PLIN5: variants seen among roughly 807,000 people sequenced by gnomAD.
The protein encoded by PLIN5 is perilipin-5.
PLIN5 carries 34 observed loss-of-function variants against 32.8 expected under a neutral mutation model. The ratio of observed to expected loss-of-function variants is 1.04; its 90% CI spans 0.79 to 1.38. The LOEUF is 1.38. Among genes scored for constraint, PLIN5 ranks in the 40% most tolerant of loss-of-function variants. PLIN5 has a pLI of 0.00. For synonymous variants in PLIN5, 309 were observed against 292.9 expected (o/e 1.05, Z -0.56); for missense variants, 712 against 660.5 (o/e 1.08, Z -0.85).
chr19:4,529,728 G>T, intron 4 of PLIN5, 56 bp downstream of exon 4: 1 of 533,660 alleles, frequency 1.9e-6, no homozygotes, highest in Non-Finnish European at 3.7e-6. Flanking sequence ...CCTCCCTCCC[G>T]CCTCTAATCT....
chr19:4,529,325 G>T, intron 4 of PLIN5, 72 bp from the exon 5 acceptor site: 1 of 1,476,056 alleles, frequency 6.8e-7, no homozygotes, highest in Non-Finnish European at 9.1e-7. Context: ...TAGTTCCCTG[G>T]GGCTGGGACT....
chr19:4,527,670 C>T (rs1976823843), intron 5 of PLIN5, among the ~76,000 whole-genome samples: 1 of 150,456 alleles, frequency 6.6e-6, no homozygotes, highest in African/African-American at 2.4e-5. Context: ...ACATGCAAAA[C>T]CCCATCTCTA....
At chr19:4,524,913 C>G in intron 7 of PLIN5, 50 bp downstream of exon 7, 1 of 1,473,354 alleles carries the variant, frequency 6.8e-7, no homozygotes, top group Non-Finnish European at 9.1e-7. Flanking sequence ...CCCTCTTCCT[C>G]CGCGGCCTGG....
Position 4,526,857 on chromosome 19 carries a change from C to CAAAAAAAAAAAAAAAAAAA in PLIN5, c.521-1026_521-1025insTTTTTTTTTTTTTTTTTTT, listed in dbSNP as rs141886356. ...TGGGCAACAGAGCAAGACTCCATCT[C>CAAAAAAAAAAAAAAAAAAA]AAAAAAAAATTAAAATTAAAAAAAT... On this transcript the variant is annotated intron_variant, in intron 5 of 7. Transcript: ENST00000381848. Among the ~76,000 whole-genome samples the CAAAAAAAAAAAAAAAAAAA allele has an allele frequency of 3.1e-3, 430 of 138,684 alleles. 26 individuals carry two copies. Among genetic ancestry groups the CAAAAAAAAAAAAAAAAAAA allele is most frequent in the African/African-American group, 0.012 (405 of 34,636 alleles). 91.0% of individuals were successfully genotyped at this position (138,684 alleles called of 152,430 possible). A position where few individuals can be genotyped will look rare whatever the true frequency, so the allele number is the denominator to read the frequency against.
intron 4 of PLIN5, 161 bp from the exon 5 acceptor site, chr19:4,529,414 AG>A: frequency 1.4e-6 from 1 of 722,108 alleles, no homozygotes; most frequent in Non-Finnish European, 2.2e-6. Flanking sequence ...TCCCTCACAG[AG>A]GGTGTTGAGG....
chr19:4,524,328 G>C (rs530228218), intron 7 of PLIN5, among the ~76,000 whole-genome samples: 4 of 152,314 alleles, frequency 2.6e-5, no homozygotes, highest in African/African-American at 9.6e-5. Context: ...GAGTCGGGCG[G>C]ATCACCTGAG....
chr19:4,524,208 T>C (rs1395819765), intron 7 of PLIN5, 123 bp from the exon 8 acceptor site: 1 of 964,602 alleles, frequency 1.0e-6, no homozygotes, highest in African/African-American at 1.7e-5. Context: ...CATAGTCCTG[T>C]CCCCTGTAGA....
chr19:4,527,582 G>T (rs1031644743), intron 5 of PLIN5, among the ~76,000 whole-genome samples: 2 of 146,922 alleles, frequency 1.4e-5, no homozygotes, highest in East Asian at 4.1e-4. Flanking sequence ...ATGGTTGGGC[G>T]TGGTGGACTC....
chr19:4,529,645 A>G, intron 4 of PLIN5, 139 bp downstream of exon 4: 2 of 593,050 alleles, frequency 3.4e-6, no homozygotes, highest in South Asian at 3.7e-5. Flanking sequence ...ACACACACAC[A>G]CACACGTTGC....
intron 2 of PLIN5, chr19:4,532,513 TTTTA>T (rs1976900001): frequency 6.6e-6 from 1 of 152,154 alleles, no homozygotes; most frequent in Admixed American, 6.5e-5. Flanking sequence ...CCAATTTTGT[TTTTA>T]TTTTTATTTT....
At chr19:4,529,607 GTA>G (rs749204339) in intron 4 of PLIN5, 175 bp downstream of exon 4, 3 of 300,130 alleles carry the variant, frequency 1.0e-5, no homozygotes, top group East Asian at 9.0e-5. Context: ...ATACATATAT[GTA>G]TACACACACA....
chr19:4,528,204 C>A (rs1001519993), intron 5 of PLIN5, among the ~76,000 whole-genome samples: 7 of 141,746 alleles, frequency 4.9e-5, no homozygotes, highest in Non-Finnish European at 1.0e-4. Context: ...CCACCGTGCC[C>A]GGCCGCCTCC....
chr19:4,531,782 G>A lies in PLIN5; in HGVS notation c.101C>T (p.Ala34Val). Residue 34 changes from alanine (A) to valine (V), a missense_variant, in exon 3 of 8, where the codon GCC (alanine) becomes GTC (valine). Physicochemically the swap from Ala to Val is moderately conservative, Grantham distance 64. Coordinates refer to ENST00000381848, the MANE Select transcript of PLIN5 (RefSeq NM_001013706.3). ...AACATCGCAGACCGCGGTGCACGTG[G>A]CCCTGACCAGGGGCAGAGCCACCAC... ...QRVVALPLVR[A>V]TCTAVCDVYS... 2 of 1,586,446 alleles carry A rather than the reference G, an allele frequency of 1.3e-6. No individual in the cohort carries two copies. Among genetic ancestry groups the A allele is most frequent in the Non-Finnish European group, 1.7e-6 (2 of 1,167,550 alleles).
rs1976747449 is a variant in PLIN5 at position 4,522,871 on chromosome 19, A to G, written c.*657T>C. 1 of 151,866 alleles carries G rather than the reference A, an allele frequency of 6.6e-6. No homozygotes were observed. The highest frequency in any genetic ancestry group is 2.4e-5 in the African/African-American group (1 of 41,298). The allele number at this position is 151,866 out of a possible 1,614,324, so 9.4% of individuals were successfully genotyped here. ...TCAGGGCTCACTTTTCAAAGCCCCAAACAGAAGGCATTGGGCAAAATGTGT... is the reference window on the plus strand; with the variant it reads ...TCAGGGCTCACTTTTCAAAGCCCCAGACAGAAGGCATTGGGCAAAATGTGT... On this transcript the variant is annotated 3_prime_UTR_variant, in exon 8 of 8. Transcript: ENST00000381848.
At chr19:4,534,331 A>AAACCAT (rs1429635781) in intron 1 of PLIN5, 4 of 530,260 alleles carry the variant, frequency 7.5e-6, no homozygotes, top group Non-Finnish European at 1.0e-5. Context: ...ATGGTCTCTG[A>AAACCAT]GGTGAGAAAG....
At position 4,531,741 on chromosome 19, in the gene PLIN5, C is replaced by T. The variant is rs1411741670; in HGVS notation, c.142G>A (p.Asp48Asn). The T allele has an allele frequency of 6.2e-7, 1 of 1,600,996 alleles. No individual in the cohort carries two copies. The highest frequency in any genetic ancestry group is 8.5e-7 in the Non-Finnish European group (1 of 1,176,436). Reference protein sequence around the residue: ...AVCDVYSAAKDRHPLLGSACR... With the variant: ...AVCDVYSAAKNRHPLLGSACR... ...GCGGAGCCCAGCAGCGGGTGCCTGT[C>T]CTTGGCTGCACTGTAAACATCGCAG... The change falls in exon 3 of 8, where the codon GAC (aspartate) becomes AAC (asparagine). Residue 48 changes from aspartate to asparagine, a missense_variant. Physicochemically the swap from Asp to Asn is conservative, Grantham distance 23 (BLOSUM62 1). Transcript: ENST00000381848.
At position 4,525,907 on chromosome 19, in the gene PLIN5, CGGGG is replaced by C. The variant is rs1976796745; in HGVS notation, c.521-79_521-76del. ...ACGGGGACAGGATACGGGGACAGCA[CGGGG>C]ACAGGATACGGGGACAGCACGGGGA... On this transcript the variant is annotated intron_variant, in intron 5 of 7. Coordinates refer to ENST00000381848, the MANE Select transcript of PLIN5 (RefSeq NM_001013706.3). This position sits in a 1 kb window ranked among gnomAD's most constrained non-coding sequence, Gnocchi z 5.6. 3 of 522,252 alleles carry C rather than the reference CGGGG, an allele frequency of 5.7e-6. No individual in the cohort carries two copies. The highest frequency in any genetic ancestry group is 5.7e-5 in the African/African-American group (2 of 34,964). The allele number at this position is 522,252 out of a possible 1,614,324, so 32.4% of individuals were successfully genotyped here.
intron 1 of PLIN5, 98 bp downstream of exon 1, chr19:4,535,067 C>T (rs1019740524): frequency 6.6e-6 from 1 of 152,530 alleles, no homozygotes; most frequent in African/African-American, 2.4e-5. Flanking sequence ...CCGGTCATAC[C>T]CGTCCCACGC....
chr19:4,523,116 G>A lies in PLIN5; in HGVS notation c.*412C>T, dbSNP rs186378755. 105 of 160,248 alleles carry A rather than the reference G, an allele frequency of 6.6e-4. No homozygotes were observed. Among genetic ancestry groups the A allele is most frequent in the African/African-American group, 8.3e-4 (34 of 40,822 alleles). 9.9% of individuals were successfully genotyped at this position (160,248 alleles called of 1,614,324 possible). ...TTTCTTTCTTTCTAAGTAGAGACAG[G>A]GTTTCATCATGTTGGCCAGGATGAT... On this transcript the variant is annotated 3_prime_UTR_variant, in exon 8 of 8. Coordinates refer to ENST00000381848, the MANE Select transcript of PLIN5 (RefSeq NM_001013706.3). The surrounding 1 kb of genome is among the most constrained non-coding windows in gnomAD (Gnocchi z 5.0).
Sources: allele counts gnomAD v4.1 joint callset (sites outside exome capture counted in the v4.1 genomes callset), GRCh38; gene constraint gnomAD v4.1.1; non-coding constraint Gnocchi (gnomAD v3.1); transcripts MANE v1.5; gene names NCBI Gene and HGNC (gene_info 2026-07-23, HGNC 2026-07-21).